Variants in RPS24 observed in about 807,000 individuals in gnomAD.
RPS24 encodes the protein ribosomal protein S24.
For missense variants in RPS24, 100 were observed against 162.5 expected (o/e 0.62, Z 2.09); for synonymous variants, 72 against 55.6 (o/e 1.30, Z -1.31).
At chr10:78,055,024 G>A in exon 5 of RPS24, 3 of 1,457,204 alleles carry the variant, frequency 2.1e-6, no homozygotes, top group Non-Finnish European at 1.8e-6. Context: ...CACTGCCATG[G>A]CCGCCTTGCT....
intron 4 of RPS24, 181 bp downstream of exon 4, chr10:78,037,485 T>A: frequency 2.0e-6 from 2 of 1,022,652 alleles, no homozygotes; most frequent in Non-Finnish European, 1.4e-6. Context: ...TCTTAACACC[T>A]CAGTAAAGTA....
intron 4 of RPS24, among the ~76,000 whole-genome samples, chr10:78,053,896 G>A (rs1298946335): frequency 6.6e-6 from 1 of 152,152 alleles, no homozygotes; most frequent in East Asian, 1.9e-4. Context: ...AGACCAACAT[G>A]TCTACCACGA....
chr10:78,047,498 T>G (rs1007241738), intron 4 of RPS24, among the ~76,000 whole-genome samples: 9 of 152,344 alleles, frequency 5.9e-5, no homozygotes, highest in Non-Finnish European at 8.8e-5. Flanking sequence ...GGAAGCGGTC[T>G]GCTTTGTTGT....
At chr10:78,037,101 C>T (rs1402995395) in intron 3 of RPS24, 93 bp from the exon 4 acceptor site, 17 of 1,490,018 alleles carry the variant, frequency 1.1e-5, no homozygotes, top group Non-Finnish European at 1.5e-5. Context: ...AGCTGTGTTT[C>T]TTAAGCTCAG....
downstream of RPS24, among the ~76,000 whole-genome samples, chr10:78,041,452 TGTAGGTTC>T (rs971040725): frequency 3.9e-5 from 6 of 152,352 alleles, no homozygotes; most frequent in Non-Finnish European, 7.3e-5. Context: ...CCTCTGGCCC[TGTAGGTTC>T]TCTTGCTAAG....
rs76084732 is a variant in RPS24, at chr10:78,054,076, G to T, written c.391-455G>T. On this transcript the variant is annotated intron_variant, in intron 4 of 4. Transcript: ENST00000440692. ...CCTTGGTGAGCTTTCCCAGGGTATG[G>T]GGGTGCCTAGGGTGCTCCTCAAGAT... Among the ~76,000 whole-genome samples, 623 of 152,192 alleles carry T rather than the reference G, an allele frequency of 4.1e-3. 2 individuals are homozygous for T. Among genetic ancestry groups the T allele is most frequent in the African/African-American group, 0.014 (595 of 41,518 alleles).
At chr10:78,038,554 T>TA (rs761498872) in intron 4 of RPS24, 1 of 151,076 alleles carries the variant, frequency 6.6e-6, no homozygotes, top group East Asian at 1.9e-4. Flanking sequence ...TTTTTTTTTT[T>TA]AAAATAGAAA....
chr10:78,035,242 A>G (rs1258299473), intron 1 of RPS24, 110 bp from the exon 2 acceptor site: 5 of 1,084,538 alleles, frequency 4.6e-6, no homozygotes, highest in East Asian at 2.4e-5. Context: ...TTAGTTCGCT[A>G]CATGACTAAT....
Position 78,033,921 on chromosome 10 carries a change from C to G in RPS24, c.3+17C>G. On this transcript the variant is annotated intron_variant, in intron 1 of 5. Coordinates refer to ENST00000372360, the MANE Select transcript of RPS24 (RefSeq NM_033022.4). ...GCCATCATGGTGAGTCTCCCTGGGC[C>G]CGTGCAGTCATCTGCCGCGTATCCG... is the stretch of plus-strand genomic sequence containing the variant. The G allele has an allele frequency of 6.2e-6, 10 of 1,614,036 alleles. No homozygotes were observed. Among genetic ancestry groups the G allele is most frequent in the Non-Finnish European group, 8.5e-6 (10 of 1,179,908 alleles).
At chr10:78,053,668 G>A (rs567991654) in intron 4 of RPS24, among the ~76,000 whole-genome samples, 2 of 152,224 alleles carry the variant, frequency 1.3e-5, no homozygotes, top group South Asian at 2.1e-4. Flanking sequence ...GAGCAGGAGC[G>A]GGCCGGGGAT....
In RPS24 at chr10:78,037,288, T is replaced by C. The variant is rs767783226; in HGVS notation, c.374T>C (p.Val125Ala). The C allele has an allele frequency of 2.5e-6, 4 of 1,603,466 alleles. No homozygotes were observed. The East Asian group carries it at 9.0e-5, about 36-fold the overall frequency. ...GTCAGGGGGACTGCAAAGGCCAATGTTGGTGCTGGCAAAAAGGTATAGTTC... is the reference window on the plus strand; with the variant it reads ...GTCAGGGGGACTGCAAAGGCCAATGCTGGTGCTGGCAAAAAGGTATAGTTC... ...KKVRGTAKAN[V>A]GAGKK Residue 125 changes from valine (V) to alanine (A), a missense_variant, in exon 4 of 6, where the codon GTT becomes GCT. Transcript: ENST00000372360.
downstream of RPS24, among the ~76,000 whole-genome samples, chr10:78,043,497 G>A (rs1305181953): frequency 6.6e-6 from 1 of 152,150 alleles, no homozygotes; most frequent in African/African-American, 2.4e-5. Context: ...GCATATAATG[G>A]TATATAAAAC....
At chr10:78,053,348 T>G (rs1170557025) in intron 4 of RPS24, among the ~76,000 whole-genome samples, 16 of 150,524 alleles carry the variant, frequency 1.1e-4, no homozygotes, top group South Asian at 4.2e-4. Flanking sequence ...CCTGGGGGGG[T>G]TTTAGGGTTT....
chr10:78,034,083 T>C, intron 1 of RPS24, 179 bp downstream of exon 1: 1 of 669,668 alleles, frequency 1.5e-6, no homozygotes, highest in Non-Finnish European at 2.7e-6. Context: ...GCTGGCGGGC[T>C]GCGCTGTAGA....
chr10:78,041,504 G>A (rs1473306119), downstream of RPS24, among the ~76,000 whole-genome samples: 1 of 152,202 alleles, frequency 6.6e-6, no homozygotes, highest in African/African-American at 2.4e-5. Context: ...ACCAGGAAAT[G>A]GCTTACTAGT....
At chr10:78,045,373 G>T (rs1335063481), downstream of RPS24, among the ~76,000 whole-genome samples, 1 of 152,118 alleles carries the variant, frequency 6.6e-6, no homozygotes, top group African/African-American at 2.4e-5. Context: ...AATCAGCTGG[G>T]GCCATGGATG....
rs916674466 is a variant in RPS24 at position 78,055,273 on chromosome 10, C to T, written c.*263C>T. 10 of 396,120 alleles carry T rather than the reference C, an allele frequency of 2.5e-5. 1 individual carries two copies. Among genetic ancestry groups the T allele is most frequent in the African/African-American group, 1.8e-4 (9 of 48,666 alleles). 24.5% of individuals were successfully genotyped at this position (396,120 alleles called of 1,614,324 possible). A position where few individuals can be genotyped will look rare whatever the true frequency, so the allele number is the denominator to read the frequency against. Reference sequence around the variant, plus strand: ...CCTACCACATTTAAGGCTTTCCTTCCTAGTTTTAATTTTTCCTCGTCAGCA... The same window carrying T: ...CCTACCACATTTAAGGCTTTCCTTCTTAGTTTTAATTTTTCCTCGTCAGCA... On this transcript the variant is annotated 3_prime_UTR_variant, in exon 5 of 5. Coordinates refer to the RPS24 transcript ENST00000440692.
chr10:78,047,558 A>G (rs1478834883), intron 4 of RPS24, among the ~76,000 whole-genome samples: 6 of 152,128 alleles, frequency 3.9e-5, no homozygotes, highest in Non-Finnish European at 7.4e-5. Flanking sequence ...TGCCAGATCA[A>G]CTGGAGAGGT....
At chr10:78,036,937 C>CA (rs1184239903) in intron 3 of RPS24, among the ~76,000 whole-genome samples, 1 of 152,192 alleles carries the variant, frequency 6.6e-6, no homozygotes, top group Non-Finnish European at 1.5e-5. Context: ...CAAGTCTGGA[C>CA]AAGAACAGCC....
Sources: gnomAD v4.1 joint callset for allele counts (sites outside exome capture counted in the v4.1 genomes callset) on GRCh38, gnomAD v4.1.1 for gene constraint, MANE v1.5 for transcripts, NCBI Gene and HGNC (gene_info 2026-07-23, HGNC 2026-07-21) for gene names.